PHACTR1: variants seen among roughly 807,000 people sequenced by gnomAD.
The protein encoded by PHACTR1 is phosphatase and actin regulator 1, also known as RPEL repeat containing 1.
A neutral mutation model predicts 69.2 loss-of-function variants in PHACTR1; 16 were observed. The ratio of observed to expected loss-of-function variants is 0.23; its 90% CI spans 0.16 to 0.35. The LOEUF (loss-of-function observed/expected upper bound fraction) is 0.35. Ranked by LOEUF, PHACTR1 falls within the 10% of genes least tolerant of loss-of-function variation. PHACTR1 has a pLI of 1.00. For synonymous variants in PHACTR1, 312 were observed against 284.5 expected (o/e 1.10, Z -0.97); for missense variants, 510 against 734.7 (o/e 0.69, Z 3.54).
At chr6:13,233,190 C>G (rs1447836551) in intron 10 of PHACTR1, among the ~76,000 whole-genome samples, 2 of 152,220 alleles carry the variant, frequency 1.3e-5, no homozygotes, top group Non-Finnish European at 2.9e-5. Flanking sequence ...TACATATCCA[C>G]AAGCCACCAC....
At chr6:13,224,053 T>C (rs917302216) in intron 8 of PHACTR1, among the ~76,000 whole-genome samples, 1 of 152,232 alleles carries the variant, frequency 6.6e-6, no homozygotes, top group Non-Finnish European at 1.5e-5. Context: ...TATATCTAAA[T>C]GTCAGTCATT....
intron 4 of PHACTR1, among the ~76,000 whole-genome samples, chr6:13,000,687 AAG>A: frequency 6.7e-6 from 1 of 149,758 alleles, no homozygotes; most frequent in South Asian, 2.2e-4. Flanking sequence ...GGAAGGAAGG[AAG>A]GAGAGAAAAA....
At chr6:12,780,690 G>GTA (rs1234444614) in intron 4 of PHACTR1, among the ~76,000 whole-genome samples, 1 of 152,156 alleles carries the variant, frequency 6.6e-6, no homozygotes, top group Non-Finnish European at 1.5e-5. Context: ...TGCCTGCCCT[G>GTA]TATTTGAGGG....
intron 4 of PHACTR1, among the ~76,000 whole-genome samples, chr6:12,776,634 A>C (rs1770098334): frequency 6.6e-6 from 1 of 152,212 alleles, no homozygotes; most frequent in Admixed American, 6.5e-5. Flanking sequence ...ATGTATCCTA[A>C]GTAAAATCCC....
intron 4 of PHACTR1, among the ~76,000 whole-genome samples, chr6:12,822,371 G>A (rs891072730): frequency 2.0e-5 from 3 of 152,176 alleles, no homozygotes; most frequent in Non-Finnish European, 4.4e-5. Context: ...GGGAGACCAC[G>A]AGGAGCCATC....
chr6:13,230,300 C>G, intron 10 of PHACTR1, 107 bp downstream of exon 10: 6 of 1,532,662 alleles, frequency 3.9e-6, no homozygotes, highest in Non-Finnish European at 5.3e-6. Flanking sequence ...GCCTGTAATC[C>G]CAGCACTTTG....
intron 4 of PHACTR1, among the ~76,000 whole-genome samples, chr6:13,024,912 T>C (rs1387076385): frequency 6.6e-6 from 1 of 152,188 alleles, no homozygotes. Context: ...TGGCTTGGAA[T>C]ACCTGAAAAG....
chr6:13,086,083 TAA>T (rs776154642), intron 5 of PHACTR1, among the ~76,000 whole-genome samples: 13,625 of 59,878 alleles, frequency 0.23, 816 homozygotes, highest in South Asian at 0.39. Context: ...TACACATTTC[TAA>T]AAAAAAAAAA....
intron 4 of PHACTR1, among the ~76,000 whole-genome samples, chr6:13,051,761 GT>G (rs1348369286): frequency 1.3e-5 from 2 of 152,150 alleles, no homozygotes; most frequent in African/African-American, 4.8e-5. Context: ...TTGTAGCTCT[GT>G]TGTGGTATGT....
intron 5 of PHACTR1, among the ~76,000 whole-genome samples, chr6:13,070,868 T>C (rs1809405469): frequency 1.3e-5 from 2 of 151,970 alleles, no homozygotes; most frequent in Admixed American, 6.6e-5. Flanking sequence ...TGTTGGTTGA[T>C]TGGTTTTGTT....
intron 5 of PHACTR1, among the ~76,000 whole-genome samples, chr6:13,138,552 A>G (rs1821911816): frequency 6.6e-6 from 1 of 152,144 alleles, no homozygotes; most frequent in African/African-American, 2.4e-5. Flanking sequence ...CAAGTCCCTT[A>G]GTGTTGAAAA....
chr6:12,942,271 G>C (rs1252908464), intron 4 of PHACTR1, among the ~76,000 whole-genome samples: 1 of 152,138 alleles, frequency 6.6e-6, no homozygotes, highest in Admixed American at 6.5e-5. Context: ...ATATGATTAT[G>C]TGCCTTTTAG....
At chr6:12,912,876 C>T (rs541422419) in intron 4 of PHACTR1, among the ~76,000 whole-genome samples, 6 of 152,306 alleles carry the variant, frequency 3.9e-5, no homozygotes, top group Admixed American at 6.5e-5. Context: ...ATCACCTGAG[C>T]CCCAGAGGCC....
At chr6:12,938,560 G>C (rs1201011749) in intron 4 of PHACTR1, among the ~76,000 whole-genome samples, 1 of 151,992 alleles carries the variant, frequency 6.6e-6, no homozygotes, top group Non-Finnish European at 1.5e-5. Flanking sequence ...GCTAAAATAA[G>C]GTATAATTTG....
intron 8 of PHACTR1, among the ~76,000 whole-genome samples, chr6:13,208,631 AC>A (rs961453175): frequency 2.2e-5 from 3 of 137,086 alleles, no homozygotes; most frequent in African/African-American, 5.5e-5. Context: ...ATTGCTGCCC[AC>A]CCCCCCAACC....
At chr6:13,174,052 A>G (rs111982747) in intron 6 of PHACTR1, among the ~76,000 whole-genome samples, 3,373 of 152,252 alleles carry the variant, frequency 0.022, 118 homozygotes, top group African/African-American at 0.073. Flanking sequence ...ATTCACATAG[A>G]AAACATATAT....
intron 11 of PHACTR1, chr6:13,274,125 C>G (rs981276812): frequency 6.6e-6 from 1 of 152,196 alleles, no homozygotes; most frequent in South Asian, 2.1e-4. Context: ...CCACCCCCGC[C>G]CGACGCCCCC....
At chr6:12,720,514 T>C (rs1286033165) in intron 3 of PHACTR1, among the ~76,000 whole-genome samples, 2 of 152,254 alleles carry the variant, frequency 1.3e-5, no homozygotes, top group South Asian at 2.1e-4. Context: ...GTGGTCAGAA[T>C]TGTCACCATC....
intron 5 of PHACTR1, among the ~76,000 whole-genome samples, chr6:13,053,955 A>T (rs1014966885): frequency 6.6e-6 from 1 of 152,108 alleles, no homozygotes; most frequent in African/African-American, 2.4e-5. Context: ...TGGAGGAAAA[A>T]CCTTGAATAA....
Sources: gnomAD v4.1 joint callset for allele counts (sites outside exome capture counted in the v4.1 genomes callset) on GRCh38, gnomAD v4.1.1 for gene constraint, MANE v1.5 for transcripts, NCBI Gene and HGNC (gene_info 2026-07-23, HGNC 2026-07-21) for gene names.